MKRN2: variants seen among roughly 807,000 people sequenced by gnomAD.
MKRN2 encodes E3 ubiquitin-protein ligase makorin-2.
MKRN2 carries 32 observed loss-of-function variants against 45.4 expected under a neutral mutation model. The observed-to-expected ratio is 0.70, with a 90% confidence interval of 0.53 to 0.95. MKRN2 has a LOEUF of 0.95. MKRN2 is among the 40% of genes least tolerant of loss of function. MKRN2 has a pLI of 0.00. For missense variants in MKRN2, 526 were observed against 536.7 expected (o/e 0.98, Z 0.20); for synonymous variants, 206 against 192.4 (o/e 1.07, Z -0.59).
rs568880893 is a variant in MKRN2, at chr3:12,582,541, G to A, written c.*288G>A. The A allele has an allele frequency of 1.4e-4, 43 of 302,962 alleles. No homozygotes were observed. Among genetic ancestry groups the A allele is most frequent in the Middle Eastern group, 1.0e-3 (1 of 968 alleles). The allele number at this position is 302,962 out of a possible 1,614,324, so 18.8% of individuals were successfully genotyped here. ...AACAAACACCCAAACTGTTTGGATT[G>A]ATTGCTTTAAAAAACAAACCTGGCT... On this transcript the variant is annotated 3_prime_UTR_variant, in exon 8 of 8. Coordinates refer to ENST00000170447, the MANE Select transcript of MKRN2 (RefSeq NM_014160.5).
intron 4 of MKRN2, among the ~76,000 whole-genome samples, chr3:12,573,854 C>T (rs934043454): frequency 2.0e-5 from 3 of 151,856 alleles, no homozygotes; most frequent in Non-Finnish European, 2.9e-5. Context: ...GATTGCACCA[C>T]CGCACTCCAG....
intron 1 of MKRN2, among the ~76,000 whole-genome samples, chr3:12,563,469 C>G (rs1163833918): frequency 6.7e-6 from 1 of 149,736 alleles, no homozygotes; most frequent in African/African-American, 2.5e-5. Context: ...ACCATTCCCT[C>G]CTGTTGTCTA....
rs2058120782 is a variant in MKRN2, at chr3:12,574,803, G to A, written c.654G>A (p.Leu218=). 1 of 1,613,174 alleles carries A rather than the reference G, an allele frequency of 6.2e-7. No individual in the cohort carries two copies. The highest frequency in any genetic ancestry group is 1.7e-5 in the Admixed American group (1 of 59,994). Residue 218 remains leucine (L), a synonymous_variant, in exon 5 of 8, where the codon TTG becomes TTA. Transcript: ENST00000170447. Reference sequence around the variant, plus strand: ...TGTCTGTGCTTCAGATCTGCATGTTGACGTTCGAACACGAGATGGAAAAGG... The same window carrying A: ...TGTCTGTGCTTCAGATCTGCATGTTAACGTTCGAACACGAGATGGAAAAGG... ...QRKAHEKICM[L]TFEHEMEKAF...
chr3:12,562,538 T>A (rs1346319735), intron 1 of MKRN2, among the ~76,000 whole-genome samples: 3 of 152,176 alleles, frequency 2.0e-5, no homozygotes, highest in Admixed American at 6.5e-5. Flanking sequence ...TATGGCAAAT[T>A]ACTGCACAAT....
chr3:12,581,663 C>T (rs1018746792), intron 6 of MKRN2, 145 bp from the exon 7 acceptor site: 4 of 837,138 alleles, frequency 4.8e-6, no homozygotes, highest in Non-Finnish European at 7.6e-6. Flanking sequence ...AATCACTCAA[C>T]CTCTCCCAGC....
intron 3 of MKRN2, 59 bp downstream of exon 3, chr3:12,570,311 G>A (rs2058090985): frequency 6.5e-7 from 1 of 1,529,248 alleles, no homozygotes; most frequent in Non-Finnish European, 8.9e-7. Flanking sequence ...TTAATGCTTG[G>A]TGCTCCTTTC....
Position 12,581,873 on chromosome 3 carries a change from A to T in MKRN2, c.1034A>T (p.Tyr345Phe). The change falls in exon 7 of 8, where the codon TAT becomes TTT. Residue 345 changes from tyrosine (Y) to phenylalanine (F), a missense_variant. Transcript: ENST00000170447. ...TGCCCATTTGGAAGCAAATGTCTTT[A>T]TCGCCATGCTTACCCCGATGGGCGG... ...GTCPFGSKCL[Y>F]RHAYPDGRLA... 6.2e-7 allele frequency: 1 copy of T among 1,614,214 alleles called. No homozygotes were observed. The highest frequency in any genetic ancestry group is 8.5e-7 in the Non-Finnish European group (1 of 1,180,042).
At chr3:12,567,300 A>T (rs1431378837) in intron 1 of MKRN2, among the ~76,000 whole-genome samples, 1 of 148,330 alleles carries the variant, frequency 6.7e-6, no homozygotes, top group African/African-American at 2.5e-5. Context: ...GTGAGACAGG[A>T]TCTTGCTGTC....
At chr3:12,564,470 A>G (rs1245322654) in intron 1 of MKRN2, among the ~76,000 whole-genome samples, 1 of 152,196 alleles carries the variant, frequency 6.6e-6, no homozygotes, top group African/African-American at 2.4e-5. Context: ...CTTTCAAAAT[A>G]TCTGGTTTCA....
intron 6 of MKRN2, among the ~76,000 whole-genome samples, chr3:12,580,614 A>G (rs2058171245): frequency 6.6e-6 from 1 of 152,146 alleles, no homozygotes; most frequent in African/African-American, 2.4e-5. Flanking sequence ...GCCAGCCACC[A>G]CACCCAGCTC....
chr3:12,558,664 C>T (rs1312083681), intron 1 of MKRN2, among the ~76,000 whole-genome samples: 1 of 152,144 alleles, frequency 6.6e-6, no homozygotes, highest in Non-Finnish European at 1.5e-5. Flanking sequence ...GGCACAAGGA[C>T]CTAAATCAGG....
chr3:12,572,425 T>A (rs1466814262), intron 4 of MKRN2, 52 bp downstream of exon 4: 1 of 1,486,208 alleles, frequency 6.7e-7, no homozygotes, highest in African/African-American at 1.4e-5. Context: ...TGAAATGTAC[T>A]GAACAGGACA....
intron 3 of MKRN2, 94 bp from the exon 4 acceptor site, chr3:12,571,975 G>C (rs1423199295): frequency 1.6e-6 from 2 of 1,268,702 alleles, no homozygotes; most frequent in African/African-American, 1.5e-5. Flanking sequence ...GGAATTCTTA[G>C]GTCAGAGTAG....
In MKRN2 at chr3:12,572,344, G is replaced by T; in HGVS notation, c.613G>T (p.Asp205Tyr). 6.3e-7 allele frequency: 1 copy of T among 1,589,210 alleles called. No individual in the cohort carries two copies. The change falls in exon 4 of 8, where the codon GAC (aspartate) becomes TAC (tyrosine). Residue 205 changes from aspartate (D) to tyrosine (Y), a missense_variant. Physicochemically the swap from Asp to Tyr is radical, Grantham distance 160. Coordinates refer to ENST00000170447, the MANE Select transcript of MKRN2 (RefSeq NM_014160.5). ...TAGGCTGCAAGTCTTGCACCCATTC[G>T]ACCCAGAGCAGAGGAAGGCTCATGA... ...ICRLQVLHPF[D>Y]PEQRKAHEKI... is the part of the protein sequence containing the mutation.
At chr3:12,562,043 G>C (rs766599965) in intron 1 of MKRN2, among the ~76,000 whole-genome samples, 1 of 152,078 alleles carries the variant, frequency 6.6e-6, no homozygotes, top group Non-Finnish European at 1.5e-5. Flanking sequence ...AGAAGACATG[G>C]GGGGTCTGGA....
rs762696820 is a variant in MKRN2 at position 12,574,806 on chromosome 3, G to C, written c.657G>C (p.Thr219=). The C allele has an allele frequency of 6.2e-7, 1 of 1,613,224 alleles. No individual in the cohort carries two copies. The highest frequency in any genetic ancestry group is 2.2e-5 in the East Asian group (1 of 44,886). Residue 219 remains threonine, a synonymous_variant, in exon 5 of 8, where the codon ACG becomes ACC. Transcript: ENST00000170447. Reference sequence around the variant, plus strand: ...CTGTGCTTCAGATCTGCATGTTGACGTTCGAACACGAGATGGAAAAGGCCT... The same window carrying C: ...CTGTGCTTCAGATCTGCATGTTGACCTTCGAACACGAGATGGAAAAGGCCT... ...RKAHEKICML[T]FEHEMEKAFA...
intron 1 of MKRN2, among the ~76,000 whole-genome samples, chr3:12,563,615 G>A (rs1479340000): frequency 6.8e-6 from 1 of 147,814 alleles, no homozygotes; most frequent in Non-Finnish European, 1.5e-5. Context: ...TCAGCTTCCC[G>A]AGTAGCTGGG....
rs5746257 is a variant in MKRN2 at position 12,582,564 on chromosome 3, G to A, written c.*311G>A. ...TTGATTGCTTTAAAAAACAAACCTG[G>A]CTCTTACCTTTGATCTTTTCTTCCC... On this transcript the variant is annotated 3_prime_UTR_variant, in exon 8 of 8. Coordinates refer to ENST00000170447, the MANE Select transcript of MKRN2 (RefSeq NM_014160.5). 798 of 269,438 alleles carry A rather than the reference G, an allele frequency of 3.0e-3. 8 individuals carry two copies. Among genetic ancestry groups the A allele is most frequent in the African/African-American group, 0.016 (723 of 46,642 alleles). The allele number at this position is 269,438 out of a possible 1,614,324, so 16.7% of individuals were successfully genotyped here. A position where few individuals can be genotyped will look rare whatever the true frequency, so the allele number is the denominator to read the frequency against.
chr3:12,566,319 C>CT (rs1378677806), intron 1 of MKRN2, among the ~76,000 whole-genome samples: 3 of 152,160 alleles, frequency 2.0e-5, no homozygotes, highest in Non-Finnish European at 4.4e-5. Flanking sequence ...AGGACCAGTC[C>CT]TTTTTTCTAT....
Sources: gnomAD v4.1 joint callset for allele counts (sites outside exome capture counted in the v4.1 genomes callset) on GRCh38, gnomAD v4.1.1 for gene constraint, MANE v1.5 for transcripts, NCBI Gene and HGNC (gene_info 2026-07-23, HGNC 2026-07-21) for gene names.